The following TRPC4 variants were observed in gnomAD, a reference collection of about 807,000 sequenced individuals.
TRPC4 encodes the protein short transient receptor potential channel 4.
Under a neutral mutation model 99.4 loss-of-function variants are expected in TRPC4, and 49 were observed. That is an observed-to-expected ratio of 0.49 (90% CI 0.39 to 0.63). The LOEUF is 0.63. TRPC4 is among the 20% of genes least tolerant of loss of function. The probability of loss-of-function intolerance (pLI) is 0.00; values close to 1 mark genes in which losing one functional copy is unlikely to be tolerated. For missense variants in TRPC4, 898 were observed against 1,152.9 expected (o/e 0.78, Z 3.20); for synonymous variants, 454 against 425.9 (o/e 1.07, Z -0.81).
chr13:37,689,457 A>G (rs1325973000), intron 4 of TRPC4, among the ~76,000 whole-genome samples: 1 of 152,202 alleles, frequency 6.6e-6, no homozygotes, highest in East Asian at 1.9e-4. Flanking sequence ...TGATATATAA[A>G]CATTTTTCCT....
chr13:37,711,616 A>T (rs1954489608), intron 3 of TRPC4, among the ~76,000 whole-genome samples: 2 of 152,060 alleles, frequency 1.3e-5, no homozygotes, highest in Admixed American at 1.3e-4. Flanking sequence ...AGATATAGCA[A>T]AGATATCTAA....
rs1194278405 is a variant in TRPC4, at chr13:37,637,327, T to C, written c.2510A>G (p.Asn837Ser). 5 of 1,613,720 alleles carry C rather than the reference T, an allele frequency of 3.1e-6. No individual in the cohort carries two copies. The highest frequency in any genetic ancestry group is 4.2e-6 in the Non-Finnish European group (5 of 1,179,874). Residue 837 changes from asparagine (N) to serine (S), a missense_variant, in exon 11 of 11, where the codon AAT (asparagine) becomes AGT (serine). Physicochemically the swap from Asn to Ser is conservative, Grantham distance 46. Around this residue, in one of 3 missense-constraint regions of TRPC4, gnomAD observed 346 missense variants for 351.4 expected, o/e 0.98. Coordinates refer to ENST00000379705, the MANE Select transcript of TRPC4 (RefSeq NM_016179.4). ...AAAGTTTTTGATATCGGTCACAAAA[T>C]TCACTTTTCTCTGCTTCTCCCTGGG... ...EPPREKQRKV[N>S]FVTDIKNFGL...
At chr13:37,823,798 A>T (rs1358586232) in intron 1 of TRPC4, among the ~76,000 whole-genome samples, 4 of 148,514 alleles carry the variant, frequency 2.7e-5, no homozygotes, top group African/African-American at 2.5e-5. Context: ...TTTTTTTCCA[A>T]TTCTGTGAAG....
chr13:37,824,723 T>C (rs2139557699), intron 1 of TRPC4, among the ~76,000 whole-genome samples: 1 of 152,296 alleles, frequency 6.6e-6, no homozygotes, highest in Admixed American at 6.5e-5. Context: ...AGGATATTGG[T>C]CTAAAATTCT....
At chr13:37,848,110 T>C (rs930416058) in intron 1 of TRPC4, among the ~76,000 whole-genome samples, 3 of 152,166 alleles carry the variant, frequency 2.0e-5, no homozygotes, top group African/African-American at 7.2e-5. Context: ...AATGAGTTTG[T>C]CAGGACATAA....
intron 8 of TRPC4, among the ~76,000 whole-genome samples, chr13:37,641,309 G>T (rs989183971): frequency 6.6e-6 from 1 of 152,068 alleles, no homozygotes; most frequent in African/African-American, 2.4e-5. Context: ...TGTTCACTAT[G>T]GTACCTTTCA....
At chr13:37,641,616 A>G (rs4531605) in intron 8 of TRPC4, among the ~76,000 whole-genome samples, 4,332 of 152,242 alleles carry the variant, frequency 0.028, 200 homozygotes, top group African/African-American at 0.098. Context: ...CCTGATTAGC[A>G]TGACAGAATA....
At chr13:37,768,062 A>C (rs1357433567) in intron 2 of TRPC4, among the ~76,000 whole-genome samples, 1 of 151,448 alleles carries the variant, frequency 6.6e-6, no homozygotes, top group Non-Finnish European at 1.5e-5. Flanking sequence ...CATAGGAGGG[A>C]ACAAACTAAA....
rs773500668 is a variant in TRPC4 at position 37,746,208 on chromosome 13, A to ATGAGAGAGG, written c.617_625dup (p.Leu208_Ile209insThrSerLeu). 6.2e-7 allele frequency: 1 copy of ATGAGAGAGG among 1,613,792 alleles called. No homozygotes were observed. Among genetic ancestry groups the ATGAGAGAGG allele is most frequent in the Non-Finnish European group, 8.5e-7 (1 of 1,179,860 alleles). ...AAAAGGATCTTCGCTTGACAGTGCAATGAGAGAGGGACTGGCCAAGGCCTT... is the reference window on the plus strand; with the variant it reads ...AAAAGGATCTTCGCTTGACAGTGCAATGAGAGAGGTGAGAGAGGGACTGGCCAAGGCCTT... On this transcript the variant is annotated inframe_insertion, in exon 3 of 11. Coordinates refer to ENST00000379705, the MANE Select transcript of TRPC4 (RefSeq NM_016179.4).
rs567890622 is a variant in TRPC4, at chr13:37,737,940, TTC to T, written c.897+7995_897+7996del. Among the ~76,000 whole-genome samples, 201 of 152,290 alleles carry T rather than the reference TTC, an allele frequency of 1.3e-3. 1 individual carries two copies. The highest frequency in any genetic ancestry group is 3.3e-3 in the South Asian group (16 of 4,824). On this transcript the variant is annotated intron_variant, in intron 3 of 10. Transcript: ENST00000379705. ...TGTATTAGGAATGGAAAGGTTTTCT[TTC>T]TCTATGCCCTAAGCTACTTATTCCA...
At position 37,635,924 on chromosome 13, in the gene TRPC4, A is replaced by G. The variant is rs566353344; in HGVS notation, c.*979T>C. On this transcript the variant is annotated 3_prime_UTR_variant, in exon 11 of 11. Coordinates refer to ENST00000379705, the MANE Select transcript of TRPC4 (RefSeq NM_016179.4). ...TTACTGGTGAAAAGAGGAGACTGCT[A>G]GTTTTTTTGTACTTCTTTTGAATTG... is the stretch of plus-strand genomic sequence containing the variant. Among the ~76,000 whole-genome samples, 4 of 152,202 alleles carry G rather than the reference A, an allele frequency of 2.6e-5. No homozygotes were observed. Among genetic ancestry groups the G allele is most frequent in the East Asian group, 1.9e-4 (1 of 5,190 alleles).
intron 2 of TRPC4, among the ~76,000 whole-genome samples, chr13:37,761,731 A>G (rs1429726345): frequency 6.6e-6 from 1 of 151,888 alleles, no homozygotes; most frequent in African/African-American, 2.4e-5. Context: ...TGTTAGGAGC[A>G]AGACCAGAAA....
chr13:37,832,741 A>C (rs1460791519), intron 1 of TRPC4, among the ~76,000 whole-genome samples: 1 of 152,204 alleles, frequency 6.6e-6, no homozygotes. Flanking sequence ...TATTGAATAA[A>C]AAATAAGATC....
At chr13:37,698,284 C>T (rs1165710948) in intron 3 of TRPC4, among the ~76,000 whole-genome samples, 1 of 149,640 alleles carries the variant, frequency 6.7e-6, no homozygotes, top group Non-Finnish European at 1.5e-5. Flanking sequence ...TCTCAGCCTC[C>T]CGAGGTAGCT....
chr13:37,657,634 A>T (rs1056793064), intron 6 of TRPC4, among the ~76,000 whole-genome samples: 1 of 152,230 alleles, frequency 6.6e-6, no homozygotes, highest in African/African-American at 2.4e-5. Context: ...TATATAGTGT[A>T]AAATGTTACC....
chr13:37,659,150 G>C (rs1017691770), intron 6 of TRPC4, among the ~76,000 whole-genome samples: 2 of 152,118 alleles, frequency 1.3e-5, no homozygotes, highest in African/African-American at 4.8e-5. Context: ...CCCTGATGTT[G>C]AAAGTGGGGC....
chr13:37,768,878 C>T (rs897264496), intron 2 of TRPC4, among the ~76,000 whole-genome samples: 2 of 151,354 alleles, frequency 1.3e-5, no homozygotes, highest in Non-Finnish European at 3.0e-5. Flanking sequence ...CTTTTTGGAT[C>T]AGGTATACAG....
chr13:37,679,664 G>C (rs949739573), intron 4 of TRPC4, among the ~76,000 whole-genome samples: 11 of 152,260 alleles, frequency 7.2e-5, no homozygotes, highest in African/African-American at 2.6e-4. Flanking sequence ...GTTGGCTGTA[G>C]ACAACTGCTT....
At chr13:37,851,074 G>T (rs1296899854) in intron 1 of TRPC4, among the ~76,000 whole-genome samples, 1 of 152,188 alleles carries the variant, frequency 6.6e-6, no homozygotes, top group East Asian at 1.9e-4. Flanking sequence ...TATTATTCTG[G>T]ACTCTGCAGG....
Sources: gnomAD v4.1 joint callset for allele counts (sites outside exome capture counted in the v4.1 genomes callset) on GRCh38, gnomAD v4.1.1 for gene constraint, gnomAD v4.1.1 regional missense constraint, MANE v1.5 for transcripts, NCBI Gene and HGNC (gene_info 2026-07-23, HGNC 2026-07-21) for gene names.